Variants in OR2L13 observed in about 807,000 individuals in gnomAD.
OR2L13 encodes the protein olfactory receptor family 2 subfamily L member 13.
OR2L13 carries 14 observed loss-of-function variants against 15.3 expected under a neutral mutation model. The observed-to-expected ratio is 0.91, with a 90% CI of 0.60 to 1.43. The LOEUF is 1.43. Ranked by LOEUF, OR2L13 falls within the 40% of genes most tolerant of loss-of-function variation. The pLI, the probability that OR2L13 is intolerant of heterozygous loss-of-function variation, is 0.00. For synonymous variants in OR2L13, 152 were observed against 142.9 expected (o/e 1.06, Z -0.45); for missense variants, 367 against 387.9 (o/e 0.95, Z 0.45).
At chr1:248,043,362 T>C in the OR2L13 span, among the ~76,000 whole-genome samples, 1 of 152,174 alleles carries the variant, frequency 6.6e-6, no homozygotes, top group East Asian at 1.9e-4. Flanking sequence ...CACTATATGT[T>C]GAGGCAACAG....
the OR2L13 span, among the ~76,000 whole-genome samples, chr1:247,960,288 C>T: frequency 2.0e-5 from 3 of 152,180 alleles, no homozygotes; most frequent in Non-Finnish European, 2.9e-5. Flanking sequence ...GCCGCCTGAT[C>T]GTTCCTCTGG....
At chr1:247,969,413 T>C in the OR2L13 span, among the ~76,000 whole-genome samples, 1 of 152,302 alleles carries the variant, frequency 6.6e-6, no homozygotes, top group East Asian at 1.9e-4. Flanking sequence ...TCATGAAGTC[T>C]TCATGGGACA....
the OR2L13 span, among the ~76,000 whole-genome samples, chr1:248,077,979 A>G: frequency 6.6e-6 from 1 of 152,356 alleles, no homozygotes; most frequent in African/African-American, 2.4e-5. Context: ...GATAAAAGAC[A>G]TTAAGAGGCA....
At chr1:247,990,958 G>A in the OR2L13 span, 24 of 1,476,050 alleles carry the variant, frequency 1.6e-5, no homozygotes, top group African/African-American at 2.9e-4. Flanking sequence ...GCACTCTGCA[G>A]AAGGGAGGAA....
chr1:248,036,199 C>A, the OR2L13 span, among the ~76,000 whole-genome samples: 1 of 151,752 alleles, frequency 6.6e-6, no homozygotes, highest in African/African-American at 2.4e-5. Context: ...TATGTTGGTC[C>A]TGTTGCATTA....
chr1:248,040,652 T>C, the OR2L13 span: 1 of 152,210 alleles, frequency 6.6e-6, no homozygotes, highest in African/African-American at 2.4e-5. Context: ...CTCACTTTAC[T>C]GTAAGAGTAG....
At chr1:247,940,431 G>A in the OR2L13 span, among the ~76,000 whole-genome samples, 10 of 152,246 alleles carry the variant, frequency 6.6e-5, no homozygotes, top group South Asian at 2.1e-3. Context: ...ACTAGATTTT[G>A]TATATTTAAT....
chr1:248,066,407 T>A, the OR2L13 span, among the ~76,000 whole-genome samples: 1 of 152,202 alleles, frequency 6.6e-6, no homozygotes, highest in African/African-American at 2.4e-5. Context: ...AAGATTTACC[T>A]CAACCCCACT....
At chr1:248,077,878 T>C in the OR2L13 span, among the ~76,000 whole-genome samples, 14 of 152,088 alleles carry the variant, frequency 9.2e-5, no homozygotes, top group South Asian at 2.9e-3. Context: ...ACAAATGAAA[T>C]ATATGTCAAT....
chr1:248,052,653 T>C, the OR2L13 span, among the ~76,000 whole-genome samples: 2 of 152,078 alleles, frequency 1.3e-5, no homozygotes, highest in East Asian at 3.9e-4. Flanking sequence ...ATGGTGTGAA[T>C]CTGGGAGGTG....
At chr1:248,063,489 T>C in the OR2L13 span, 3 of 152,260 alleles carry the variant, frequency 2.0e-5, no homozygotes, top group Non-Finnish European at 4.4e-5. Context: ...TTTTATTTTG[T>C]AATGATTTAC....
chr1:247,958,480 C>G, the OR2L13 span, among the ~76,000 whole-genome samples: 1 of 152,100 alleles, frequency 6.6e-6, no homozygotes, highest in Non-Finnish European at 1.5e-5. Flanking sequence ...GAGCTGAGTT[C>G]AATTGCTGGA....
chr1:247,947,428 A>T, the OR2L13 span, among the ~76,000 whole-genome samples: 3 of 152,010 alleles, frequency 2.0e-5, no homozygotes, highest in African/African-American at 7.2e-5. Context: ...AAGCCTAAAA[A>T]CTCTGGTTCT....
chr1:247,975,059 G>C, the OR2L13 span: 17 of 319,826 alleles, frequency 5.3e-5, no homozygotes, highest in East Asian at 1.2e-3. Context: ...TGTGACTTTA[G>C]CAGGTGCAGA....
the OR2L13 span, among the ~76,000 whole-genome samples, chr1:248,051,769 TTTTA>T: frequency 5.9e-5 from 9 of 151,382 alleles, no homozygotes; most frequent in East Asian, 3.9e-4. Flanking sequence ...TCTGCTTTTA[TTTTA>T]TTTATTTATT....
At chr1:247,976,741 C>G in the OR2L13 span, among the ~76,000 whole-genome samples, 1 of 152,264 alleles carries the variant, frequency 6.6e-6, no homozygotes, top group Admixed American at 6.5e-5. Flanking sequence ...ATGTGATTCT[C>G]TCCACTGGCT....
the OR2L13 span, among the ~76,000 whole-genome samples, chr1:247,976,785 C>T: frequency 6.6e-6 from 1 of 152,162 alleles, no homozygotes; most frequent in African/African-American, 2.4e-5. Flanking sequence ...TCACACTGTA[C>T]CTGGAACTTT....
chr1:248,020,356 C>T, the OR2L13 span, among the ~76,000 whole-genome samples: 80 of 152,186 alleles, frequency 5.3e-4, no homozygotes, highest in African/African-American at 1.9e-3. Flanking sequence ...ACTCCTAGAA[C>T]TAAAAAAGGA....
chr1:248,099,439 A>G, exon 3 of OR2L13: 1 of 1,613,708 alleles, frequency 6.2e-7, no homozygotes. Flanking sequence ...CCCAAATCAA[A>G]CTGGAATATT....
Sources: gnomAD v4.1 joint callset for allele counts (sites outside exome capture counted in the v4.1 genomes callset) on GRCh38, gnomAD v4.1.1 for gene constraint, MANE v1.5 for transcripts, NCBI Gene and HGNC (gene_info 2026-07-23, HGNC 2026-07-21) for gene names.